The following USP3 variants were observed in gnomAD, a reference collection of about 807,000 sequenced individuals.
USP3 encodes the protein ubiquitin specific peptidase 3.
In USP3, 20 loss-of-function variants were observed where a neutral mutation model predicts 72.3. The observed-to-expected ratio is 0.28, with a 90% CI of 0.19 to 0.40. USP3 has a LOEUF of 0.40. USP3 is among the 10% of genes least tolerant of loss of function. USP3 has a pLI of 1.00. For missense variants in USP3, 479 were observed against 633.9 expected (o/e 0.76, Z 2.62); for synonymous variants, 222 against 225.3 (o/e 0.99, Z 0.13).
chr15:63,587,480 C>T (rs1013598275), intron 11 of USP3, among the ~76,000 whole-genome samples: 8 of 152,230 alleles, frequency 5.3e-5, no homozygotes, highest in South Asian at 2.1e-4. Context: ...AAATGACATA[C>T]AGCAGGTCCT....
intron 2 of USP3, chr15:63,533,814 C>T: frequency 8.1e-7 from 1 of 1,239,770 alleles, no homozygotes; most frequent in Non-Finnish European, 1.0e-6. Context: ...ATTTGGGGAA[C>T]CTGAAAATAC....
rs995704637 is a variant in USP3, at chr15:63,568,319, C to T, written c.762-2114C>T. The stretch of plus-strand genomic sequence containing the variant: ...GCAGTGAGCCAAGATAGCACCGTTG[C>T]ACTCCAGCCTGACGACAGAGCGAGA... On this transcript the variant is annotated intron_variant, in intron 8 of 14. Coordinates refer to ENST00000380324, the MANE Select transcript of USP3 (RefSeq NM_006537.4). 2.0e-5 allele frequency among the ~76,000 whole-genome samples: 3 copies of T among 148,704 alleles called. No homozygotes were observed. In the East Asian group the frequency reaches 5.9e-4, roughly 29 times the overall value.
intron 1 of USP3, among the ~76,000 whole-genome samples, chr15:63,525,580 G>A (rs892073268): frequency 1.3e-5 from 2 of 152,068 alleles, no homozygotes; most frequent in Admixed American, 1.3e-4. Context: ...CTCTCTTTTT[G>A]TGACTTTACC....
rs182992311 is a variant in USP3, at chr15:63,569,781, G to A, written c.762-652G>A. On this transcript the variant is annotated intron_variant, in intron 8 of 14. Coordinates refer to ENST00000380324, the MANE Select transcript of USP3 (RefSeq NM_006537.4). ...ATATAGTTTCCTGTCTGACTATACT[G>A]TAAGAAGTAACCTAAGAATATGTTG... 9.3e-4 allele frequency among the ~76,000 whole-genome samples: 141 copies of A among 152,206 alleles called. 1 individual carries two copies. The highest frequency in any genetic ancestry group is 3.4e-3 in the African/African-American group (140 of 41,504).
At chr15:63,562,456 G>C (rs886247730) in intron 7 of USP3, among the ~76,000 whole-genome samples, 7 of 152,156 alleles carry the variant, frequency 4.6e-5, no homozygotes, top group African/African-American at 1.7e-4. Context: ...CTGGTGGAGA[G>C]CTGAGTGGTG....
In USP3 at chr15:63,594,601, T is replaced by C. The variant is rs768270434; in HGVS notation, c.*3775T>C. 1 of 152,230 alleles carries C rather than the reference T, an allele frequency of 6.6e-6. No individual in the cohort carries two copies. The highest frequency in any genetic ancestry group is 1.5e-5 in the Non-Finnish European group (1 of 68,046). The allele number at this position is 152,230 out of a possible 1,614,324, so 9.4% of individuals were successfully genotyped here. A position where few individuals can be genotyped will look rare whatever the true frequency, so the allele number is the denominator to read the frequency against. ...TTCTGCTTCACCAACCTGAACTGTTTTTAAAAATATCATTAAAAGTCTGTT... is the reference window on the plus strand; with the variant it reads ...TTCTGCTTCACCAACCTGAACTGTTCTTAAAAATATCATTAAAAGTCTGTT... On this transcript the variant is annotated 3_prime_UTR_variant, in exon 15 of 15. Transcript: ENST00000380324.
At chr15:63,507,890 T>C (rs1183730160) in intron 1 of USP3, among the ~76,000 whole-genome samples, 1 of 69,638 alleles carries the variant, frequency 1.4e-5, no homozygotes, top group Admixed American at 1.2e-4. Flanking sequence ...TGCTTACAAA[T>C]AATAATAGAC....
At chr15:63,575,038 G>A (rs1395701534) in intron 11 of USP3, among the ~76,000 whole-genome samples, 1 of 152,062 alleles carries the variant, frequency 6.6e-6, no homozygotes, top group African/African-American at 2.4e-5. Flanking sequence ...GACCAAAGAG[G>A]CCGAGTCTGT....
At chr15:63,506,448 A>T (rs2065714451) in intron 1 of USP3, among the ~76,000 whole-genome samples, 1 of 152,204 alleles carries the variant, frequency 6.6e-6, no homozygotes, top group African/African-American at 2.4e-5. Flanking sequence ...GCTCATCTGT[A>T]GTAAACTACA....
chr15:63,560,628 A>G (rs2066593787), intron 7 of USP3, among the ~76,000 whole-genome samples: 1 of 151,832 alleles, frequency 6.6e-6, no homozygotes, highest in Admixed American at 6.6e-5. Flanking sequence ...TGGATACTGA[A>G]ATTAATTTGT....
At chr15:63,539,560 G>A (rs1329234226) in intron 3 of USP3, among the ~76,000 whole-genome samples, 1 of 152,114 alleles carries the variant, frequency 6.6e-6, no homozygotes, top group African/African-American at 2.4e-5. Context: ...TTATTAACTA[G>A]AAATGGGAAT....
At chr15:63,547,796 GAGAGGCAT>G (rs2066362397) in intron 3 of USP3, among the ~76,000 whole-genome samples, 13 of 108,720 alleles carry the variant, frequency 1.2e-4, no homozygotes, top group East Asian at 7.1e-4. Flanking sequence ...GAGAGAGAGA[GAGAGGCAT>G]AGAGAGAGGC....
At chr15:63,515,298 G>C (rs2065836769) in intron 1 of USP3, 2 of 152,182 alleles carry the variant, frequency 1.3e-5, no homozygotes, top group African/African-American at 4.8e-5. Flanking sequence ...TTTGTTTAGT[G>C]CATTACAGTT....
chr15:63,520,257 A>G (rs1375323383), intron 1 of USP3, among the ~76,000 whole-genome samples: 2 of 152,106 alleles, frequency 1.3e-5, no homozygotes, highest in Non-Finnish European at 2.9e-5. Context: ...GCCCCTTTCC[A>G]TATTTGTAAC....
In USP3 at chr15:63,522,578, G is replaced by C. The variant is rs139368012; in HGVS notation, c.92-10069G>C. Among the ~76,000 whole-genome samples the C allele has an allele frequency of 2.0e-5, 3 of 152,148 alleles. No homozygotes were observed. The East Asian group carries it at 5.8e-4, about 29-fold the overall frequency. On this transcript the variant is annotated intron_variant, in intron 1 of 14. Coordinates refer to ENST00000380324, the MANE Select transcript of USP3 (RefSeq NM_006537.4). The stretch of plus-strand genomic sequence containing the variant: ...GAGTGAAGAGGAATTGAATTATTTA[G>C]GGTAGAGGTTAAAACCTACTTGTCC...
rs535408865 is a variant in USP3, at chr15:63,580,440, T to C, written c.1096+6037T>C. Among the ~76,000 whole-genome samples, 3 of 151,954 alleles carry C rather than the reference T, an allele frequency of 2.0e-5. No individual in the cohort carries two copies. The South Asian group carries it at 6.2e-4, about 32-fold the overall frequency. ...GTAAAAAATGCATATTAACTTAATG[T>C]ATACTTCCAAACTACTGCTTTGCTA... On this transcript the variant is annotated intron_variant, in intron 11 of 14. Transcript: ENST00000380324.
At chr15:63,510,158 A>G (rs1472148217) in intron 1 of USP3, among the ~76,000 whole-genome samples, 3 of 152,200 alleles carry the variant, frequency 2.0e-5, no homozygotes, top group African/African-American at 4.8e-5. Context: ...GGATCCTTCA[A>G]GCTAGATTTA....
chr15:63,585,207 C>T (rs1385770444), intron 11 of USP3, among the ~76,000 whole-genome samples: 1 of 152,126 alleles, frequency 6.6e-6, no homozygotes, highest in Non-Finnish European at 1.5e-5. Context: ...TTTGGCTATT[C>T]AGGATTCCTT....
At chr15:63,511,281 A>AAAAAAAAAAAAAAC (rs2065777847) in intron 1 of USP3, among the ~76,000 whole-genome samples, 1 of 150,386 alleles carries the variant, frequency 6.6e-6, no homozygotes, top group African/African-American at 2.4e-5. Context: ...AAAAAAAAAA[A>AAAAAAAAAAAAAAC]AGAGTCTTTA....
Sources: gnomAD v4.1 joint callset for allele counts (sites outside exome capture counted in the v4.1 genomes callset) on GRCh38, gnomAD v4.1.1 for gene constraint, MANE v1.5 for transcripts, NCBI Gene and HGNC (gene_info 2026-07-23, HGNC 2026-07-21) for gene names.